The following ADAMTSL3 variants were observed in gnomAD, a reference collection of about 807,000 sequenced individuals.
ADAMTSL3 encodes ADAMTS like 3, also known as ADAMTS-like protein 3.
A neutral mutation model predicts 201.7 loss-of-function variants in ADAMTSL3; 128 were observed. The observed-to-expected ratio is 0.63, with a 90% CI of 0.55 to 0.73. The LOEUF (loss-of-function observed/expected upper bound fraction) is 0.73, where lower values mean the gene tolerates loss of function less well. ADAMTSL3 is among the 30% of genes least tolerant of loss of function. The pLI is 0.00. For missense variants in ADAMTSL3, 1,990 were observed against 2,119.6 expected, an observed-to-expected ratio of 0.94 and a Z score of 1.20; for synonymous variants, 738 against 748.4, an observed-to-expected ratio of 0.99 and a Z score of 0.23.
chr15:83,661,158 A>G (rs908626481), intron 2 of ADAMTSL3, among the ~76,000 whole-genome samples: 165 of 151,982 alleles, frequency 1.1e-3, no homozygotes, highest in Non-Finnish European at 1.9e-3. Context: ...TTTTGGTACC[A>G]GTACCATGCT....
Position 83,918,589 on chromosome 15 carries a change from A to G in ADAMTSL3, c.1987+5211A>G, listed in dbSNP as rs183485705. 5.1e-3 allele frequency among the ~76,000 whole-genome samples: 777 copies of G among 152,274 alleles called. 4 individuals carry two copies. Among genetic ancestry groups the G allele is most frequent in the Non-Finnish European group, 8.0e-3 (545 of 68,030 alleles). On this transcript the variant is annotated intron_variant, in intron 16 of 29. Transcript: ENST00000286744. ...AAAGGCCAGCAGAAGGGTGCATGGT[A>G]CATTCCAGGAATGGAAGAAGCCAGG...
At chr15:83,853,563 A>C (rs1443536004) in intron 7 of ADAMTSL3, among the ~76,000 whole-genome samples, 3 of 152,208 alleles carry the variant, frequency 2.0e-5, no homozygotes, top group Non-Finnish European at 4.4e-5. Flanking sequence ...TATTTGAGGT[A>C]ATCAAACTTT....
chr15:83,923,844 C>T, intron 16 of ADAMTSL3, 60 bp from the exon 17 acceptor site: 1 of 1,592,890 alleles, frequency 6.3e-7, no homozygotes, highest in Admixed American at 1.7e-5. Context: ...ACTCTATTTT[C>T]TTTTTTCCAC....
chr15:83,794,498 A>T (rs2063392752), intron 4 of ADAMTSL3, among the ~76,000 whole-genome samples: 1 of 152,234 alleles, frequency 6.6e-6, no homozygotes, highest in Admixed American at 6.5e-5. Context: ...AACCATTGAT[A>T]AACACAACAA....
intron 2 of ADAMTSL3, among the ~76,000 whole-genome samples, chr15:83,682,225 T>A (rs2061485271): frequency 6.6e-6 from 1 of 152,016 alleles, no homozygotes; most frequent in Non-Finnish European, 1.5e-5. Flanking sequence ...GACTCAGGGA[T>A]GGGATAAAGA....
intron 15 of ADAMTSL3, among the ~76,000 whole-genome samples, chr15:83,909,434 G>T (rs768990183): frequency 3.9e-5 from 6 of 152,044 alleles, no homozygotes; most frequent in East Asian, 1.9e-4. Context: ...TTTCTGAGCA[G>T]CTTTTCTGTT....
At chr15:83,910,931 C>T (rs1259381762) in intron 15 of ADAMTSL3, among the ~76,000 whole-genome samples, 1 of 152,072 alleles carries the variant, frequency 6.6e-6, no homozygotes, top group Non-Finnish European at 1.5e-5. Flanking sequence ...TGAGCCACCA[C>T]GCCTGGCCAA....
intron 7 of ADAMTSL3, among the ~76,000 whole-genome samples, chr15:83,844,649 A>G (rs754916007): frequency 2.0e-5 from 3 of 152,168 alleles, no homozygotes; most frequent in Non-Finnish European, 4.4e-5. Context: ...CATTTAATTC[A>G]GCAAGGGAGA....
At chr15:83,967,572 A>G (rs1339466967) in intron 19 of ADAMTSL3, among the ~76,000 whole-genome samples, 2 of 152,240 alleles carry the variant, frequency 1.3e-5, no homozygotes, top group African/African-American at 2.4e-5. Flanking sequence ...GTTCATGGAT[A>G]TGAAGAATCA....
intron 2 of ADAMTSL3, among the ~76,000 whole-genome samples, chr15:83,666,410 A>G (rs1005255531): frequency 7.2e-5 from 11 of 152,216 alleles, no homozygotes; most frequent in Admixed American, 5.9e-4. Context: ...AGAAAATTCC[A>G]TTGATGTCTA....
intron 6 of ADAMTSL3, among the ~76,000 whole-genome samples, chr15:83,820,381 G>C (rs925694792): frequency 1.3e-5 from 2 of 152,092 alleles, no homozygotes; most frequent in African/African-American, 2.4e-5. Flanking sequence ...CCGGGCCATC[G>C]ATTAGTGATT....
chr15:83,970,844 C>T (rs1230227476), intron 20 of ADAMTSL3, among the ~76,000 whole-genome samples: 1 of 152,220 alleles, frequency 6.6e-6, no homozygotes, highest in Non-Finnish European at 1.5e-5. Flanking sequence ...AATGTCCGCC[C>T]ACTTAACAAA....
At chr15:83,852,419 G>GT (rs1313536680) in intron 7 of ADAMTSL3, among the ~76,000 whole-genome samples, 4 of 152,138 alleles carry the variant, frequency 2.6e-5, no homozygotes, top group Admixed American at 6.6e-5. Context: ...CAGTTGGCTT[G>GT]TTTTTTAACT....
At chr15:83,781,826 C>T (rs1182878349) in intron 4 of ADAMTSL3, among the ~76,000 whole-genome samples, 1 of 152,160 alleles carries the variant, frequency 6.6e-6, no homozygotes, top group Non-Finnish European at 1.5e-5. Flanking sequence ...GAAAAAAGCT[C>T]ATAATTGATC....
At chr15:83,990,242 C>A (rs2067558294) in intron 22 of ADAMTSL3, among the ~76,000 whole-genome samples, 1 of 152,126 alleles carries the variant, frequency 6.6e-6, no homozygotes, top group Admixed American at 6.5e-5. Flanking sequence ...ATCGTGGCCT[C>A]CTACCTGTCT....
intron 9 of ADAMTSL3, among the ~76,000 whole-genome samples, chr15:83,872,007 G>T: frequency 1.3e-5 from 2 of 152,284 alleles, no homozygotes; most frequent in Middle Eastern, 6.8e-3. Flanking sequence ...CATGCACGGA[G>T]GTAGATTAGA....
At chr15:84,015,660 G>T (rs989815217) in intron 24 of ADAMTSL3, among the ~76,000 whole-genome samples, 1 of 152,288 alleles carries the variant, frequency 6.6e-6, no homozygotes, top group Admixed American at 6.5e-5. Context: ...GTGCCACCAC[G>T]TGGCTCTTTC....
intron 3 of ADAMTSL3, among the ~76,000 whole-genome samples, chr15:83,752,451 T>A (rs2062652147): frequency 6.6e-6 from 1 of 152,178 alleles, no homozygotes; most frequent in Non-Finnish European, 1.5e-5. Context: ...CTATTTTACA[T>A]CCATATGTGA....
chr15:83,662,429 G>C (rs1454587736), intron 2 of ADAMTSL3, among the ~76,000 whole-genome samples: 1 of 129,886 alleles, frequency 7.7e-6, no homozygotes. Context: ...GTGGTGGGGT[G>C]GGGGGAGGGG....
Sources: gnomAD v4.1 joint callset for allele counts (sites outside exome capture counted in the v4.1 genomes callset) on GRCh38, gnomAD v4.1.1 for gene constraint, MANE v1.5 for transcripts, NCBI Gene and HGNC (gene_info 2026-07-23, HGNC 2026-07-21) for gene names.